The following PRKCE variants were observed in gnomAD, a reference collection of about 807,000 sequenced individuals.
The protein encoded by PRKCE is protein kinase C epsilon type.
PRKCE carries 16 observed loss-of-function variants against 85.4 expected under a neutral mutation model. That is an observed-to-expected ratio of 0.19 (90% CI 0.13 to 0.28). The LOEUF (loss-of-function observed/expected upper bound fraction) is 0.28, where lower values mean the gene tolerates loss of function less well. Among genes scored for constraint, PRKCE ranks in the 10% least tolerant of loss-of-function variants. The pLI, the probability that PRKCE is intolerant of heterozygous loss-of-function variation, is 1.00. For missense variants in PRKCE, 573 were observed against 975.2 expected (o/e 0.59, Z 5.49); for synonymous variants, 388 against 371.5 (o/e 1.04, Z -0.51).
At chr2:45,710,034 C>T in intron 1 of PRKCE, among the ~76,000 whole-genome samples, 1 of 152,168 alleles carries the variant, frequency 6.6e-6, no homozygotes, top group South Asian at 2.1e-4. Context: ...TGGTCTCGAA[C>T]CCCTGACCTC....
At chr2:45,983,895 C>T (rs142607194) in intron 5 of PRKCE, among the ~76,000 whole-genome samples, 4 of 151,894 alleles carry the variant, frequency 2.6e-5, no homozygotes, top group Non-Finnish European at 4.4e-5. Context: ...AGACTTTTTG[C>T]CTAGGTGGGG....
At chr2:45,843,895 C>G (rs572294118) in intron 2 of PRKCE, among the ~76,000 whole-genome samples, 29 of 152,176 alleles carry the variant, frequency 1.9e-4, no homozygotes, top group Non-Finnish European at 3.2e-4. Flanking sequence ...ATTGGAAGAC[C>G]ATGTGTAGTT....
chr2:46,039,838 G>A (rs1353727102), intron 10 of PRKCE, among the ~76,000 whole-genome samples: 1 of 152,172 alleles, frequency 6.6e-6, no homozygotes, highest in African/African-American at 2.4e-5. Flanking sequence ...ACTGATCCAG[G>A]AGGGGGATAT....
chr2:45,674,950 T>A (rs1482901704), intron 1 of PRKCE: 1 of 152,212 alleles, frequency 6.6e-6, no homozygotes, highest in East Asian at 1.9e-4. Flanking sequence ...GGTAGCAAGA[T>A]TTTCTGTGTT....
intron 1 of PRKCE, among the ~76,000 whole-genome samples, chr2:45,658,700 T>G (rs1425817138): frequency 6.6e-6 from 1 of 152,256 alleles, no homozygotes; most frequent in Admixed American, 6.5e-5. Context: ...TCAGCAATTT[T>G]ATTAATATTT....
At chr2:45,961,681 T>A (rs1033385986) in intron 2 of PRKCE, among the ~76,000 whole-genome samples, 2 of 147,404 alleles carry the variant, frequency 1.4e-5, no homozygotes, top group South Asian at 4.4e-4. Flanking sequence ...GCAGTGCTAC[T>A]CCATTGCCAG....
chr2:45,793,131 A>G (rs1043676066), intron 1 of PRKCE, among the ~76,000 whole-genome samples: 6 of 152,218 alleles, frequency 3.9e-5, no homozygotes, highest in African/African-American at 1.2e-4. Flanking sequence ...TTGTTCCAGA[A>G]TAGATTTAAG....
At chr2:45,789,047 C>T (rs1000239956) in intron 1 of PRKCE, among the ~76,000 whole-genome samples, 1 of 152,074 alleles carries the variant, frequency 6.6e-6, no homozygotes, top group Non-Finnish European at 1.5e-5. Flanking sequence ...AGGTGGAGAA[C>T]CACCCACTTA....
Position 45,893,770 on chromosome 2 carries a change from C to A in PRKCE, c.412+50707C>A, listed in dbSNP as rs540220043. ...ATCCCCCTGCAAATACTCACTTGAA[C>A]TGCAGAGTTTTCTTAATGAACAGCC... On this transcript the variant is annotated intron_variant, in intron 2 of 14. Transcript: ENST00000306156. Among the ~76,000 whole-genome samples, 218 of 152,258 alleles carry A rather than the reference C, an allele frequency of 1.4e-3. 3 individuals are homozygous for A. Among genetic ancestry groups the A allele is most frequent in the Non-Finnish European group, 2.0e-3 (137 of 68,020 alleles).
rs1038560012 is a variant in PRKCE, at chr2:46,145,871, A to G, written c.1731+640A>G. On this transcript the variant is annotated intron_variant, in intron 12 of 14. Coordinates refer to ENST00000306156, the MANE Select transcript of PRKCE (RefSeq NM_005400.3). This position sits in a 1 kb window ranked among gnomAD's most constrained non-coding sequence, Gnocchi z 4.6. ...TGACAGAGCAAGACCCTGTCTCAATAAAAAAAAAAGTAAAAAATAAAATCA... is the reference window on the plus strand; with the variant it reads ...TGACAGAGCAAGACCCTGTCTCAATGAAAAAAAAAGTAAAAAATAAAATCA... Among the ~76,000 whole-genome samples, 1 of 148,060 alleles carries G rather than the reference A, an allele frequency of 6.8e-6. No individual in the cohort carries two copies. Among genetic ancestry groups the G allele is most frequent in the African/African-American group, 2.5e-5 (1 of 40,362 alleles).
rs1359054138 is a variant in PRKCE, at chr2:45,774,755, C to G, written c.349-68245C>G. ...ACGCCCAGTCACCCTGACTTTGACT[C>G]TTTCCTGGAGGGACCCACCCAAGCT... On this transcript the variant is annotated intron_variant, in intron 1 of 14. Transcript: ENST00000306156. The surrounding 1 kb of genome is among the most constrained non-coding windows in gnomAD (Gnocchi z 4.3). Among the ~76,000 whole-genome samples the G allele has an allele frequency of 1.6e-4, 24 of 152,088 alleles. No homozygotes were observed. The highest frequency in any genetic ancestry group is 1.3e-4 in the Non-Finnish European group (9 of 68,026).
chr2:45,916,615 A>G (rs573570681), intron 2 of PRKCE, among the ~76,000 whole-genome samples: 69 of 152,310 alleles, frequency 4.5e-4, no homozygotes, highest in South Asian at 2.9e-3. Context: ...ACATCCTCTC[A>G]AATTGAGTAT....
At chr2:46,065,271 C>T (rs1231242547) in intron 10 of PRKCE, among the ~76,000 whole-genome samples, 1 of 151,606 alleles carries the variant, frequency 6.6e-6, no homozygotes, top group Non-Finnish European at 1.5e-5. Context: ...TATTCAGGGG[C>T]CAGGGAGTGT....
intron 11 of PRKCE, among the ~76,000 whole-genome samples, chr2:46,141,062 C>T (rs1412759833): frequency 6.6e-6 from 1 of 152,134 alleles, no homozygotes. Flanking sequence ...ATTGTTCTTC[C>T]ACCAAGAAGG....
intron 2 of PRKCE, among the ~76,000 whole-genome samples, chr2:45,965,662 T>G (rs1198971956): frequency 6.6e-6 from 1 of 152,242 alleles, no homozygotes; most frequent in Non-Finnish European, 1.5e-5. Context: ...GGTTATCCCT[T>G]TGTGCCTAGA....
At chr2:46,137,081 T>C (rs1675075383) in intron 11 of PRKCE, among the ~76,000 whole-genome samples, 1 of 152,244 alleles carries the variant, frequency 6.6e-6, no homozygotes, top group African/African-American at 2.4e-5. Flanking sequence ...GCAGAATTTC[T>C]GGGATATCAT....
intron 2 of PRKCE, among the ~76,000 whole-genome samples, chr2:45,959,503 A>C (rs1701236104): frequency 6.6e-6 from 1 of 152,190 alleles, no homozygotes; most frequent in South Asian, 2.1e-4. Flanking sequence ...TTATTTAAAA[A>C]ACAGAAGCAT....
intron 1 of PRKCE, among the ~76,000 whole-genome samples, chr2:45,680,220 CTT>C (rs1216833298): frequency 1.3e-5 from 2 of 152,174 alleles, no homozygotes; most frequent in African/African-American, 4.8e-5. Context: ...AGGTTAATAA[CTT>C]TGTTGGATTT....
At chr2:45,809,523 T>C (rs1420467702) in intron 1 of PRKCE, among the ~76,000 whole-genome samples, 2 of 152,166 alleles carry the variant, frequency 1.3e-5, no homozygotes, top group African/African-American at 4.8e-5. Flanking sequence ...TAGATTTGAC[T>C]GTAACAGAAA....
Sources: gnomAD v4.1 joint callset for allele counts (sites outside exome capture counted in the v4.1 genomes callset) on GRCh38, gnomAD v4.1.1 for gene constraint, Gnocchi (gnomAD v3.1) non-coding constraint, MANE v1.5 for transcripts, NCBI Gene and HGNC (gene_info 2026-07-23, HGNC 2026-07-21) for gene names.